The following KCNU1 variants were observed in gnomAD, a reference collection of about 807,000 sequenced individuals.
The protein encoded by KCNU1 is potassium channel subfamily U member 1.
Under a neutral mutation model 126.8 loss-of-function variants are expected in KCNU1, and 93 were observed. That is an observed-to-expected ratio of 0.73 (90% CI 0.62 to 0.87). The LOEUF (loss-of-function observed/expected upper bound fraction) is 0.87. KCNU1 is among the 40% of genes least tolerant of loss of function. The probability of loss-of-function intolerance (pLI) is 0.00; values close to 1 mark genes in which losing one functional copy is unlikely to be tolerated. For missense variants in KCNU1, 1,330 were observed against 1,367.1 expected (o/e 0.97, Z 0.43); for synonymous variants, 523 against 494.2 (o/e 1.06, Z -0.77).
At chr8:36,913,720 G>A (rs1276097686) in intron 22 of KCNU1, among the ~76,000 whole-genome samples, 2 of 151,388 alleles carry the variant, frequency 1.3e-5, no homozygotes, top group African/African-American at 4.9e-5. Context: ...TTCTGGCTCA[G>A]CCTCCCAAGT....
chr8:36,866,896 G>T (rs369080037), intron 19 of KCNU1, among the ~76,000 whole-genome samples: 89 of 152,202 alleles, frequency 5.8e-4, no homozygotes, highest in African/African-American at 2.1e-3. Flanking sequence ...GCAAAGAAAG[G>T]GTTCACCCGT....
At chr8:36,785,382 G>A (rs957709721) in intron 1 of KCNU1, among the ~76,000 whole-genome samples, 5 of 152,104 alleles carry the variant, frequency 3.3e-5, no homozygotes, top group African/African-American at 4.8e-5. Flanking sequence ...TTCTCTGATA[G>A]ATTATAGCAA....
In KCNU1 at chr8:36,906,600, T is replaced by A. The variant is rs561993109; in HGVS notation, c.2106+796T>A. Among the ~76,000 whole-genome samples the A allele has an allele frequency of 1.4e-3, 207 of 152,254 alleles. 1 individual carries two copies. Among genetic ancestry groups the A allele is most frequent in the African/African-American group, 4.8e-3 (201 of 41,562 alleles). On this transcript the variant is annotated intron_variant, in intron 20 of 26. Coordinates refer to ENST00000399881, the MANE Select transcript of KCNU1 (RefSeq NM_001031836.3). Reference sequence around the variant, plus strand: ...CATGCTGTATGAACCCTATATATATTTTTTCATATATGACTAATTGATACT... The same window carrying A: ...CATGCTGTATGAACCCTATATATATATTTTCATATATGACTAATTGATACT...
chr8:36,866,175 T>C (rs764734954), intron 19 of KCNU1, among the ~76,000 whole-genome samples: 4 of 152,142 alleles, frequency 2.6e-5, no homozygotes, highest in Non-Finnish European at 4.4e-5. Flanking sequence ...GCTGAGAGTG[T>C]AATAAGTGCA....
intron 24 of KCNU1, among the ~76,000 whole-genome samples, chr8:36,927,855 G>A (rs578098955): frequency 6.6e-6 from 1 of 151,966 alleles, no homozygotes; most frequent in East Asian, 1.9e-4. Flanking sequence ...AATATTTCAA[G>A]TGCCCTTCAA....
chr8:36,842,692 C>T (rs1021166537), intron 16 of KCNU1, among the ~76,000 whole-genome samples: 5 of 152,102 alleles, frequency 3.3e-5, no homozygotes, highest in Admixed American at 1.3e-4. Flanking sequence ...GTTTTTGAGA[C>T]GGAGTTTCAC....
At chr8:36,827,781 T>C (rs2130519611) in intron 10 of KCNU1, among the ~76,000 whole-genome samples, 1 of 152,262 alleles carries the variant, frequency 6.6e-6, no homozygotes, top group Admixed American at 6.5e-5. Context: ...GGGGGAAGTT[T>C]CACTCATAAG....
chr8:36,887,452 G>GTTTTTTTTTTT (rs138240609), intron 19 of KCNU1, among the ~76,000 whole-genome samples: 34 of 99,242 alleles, frequency 3.4e-4, no homozygotes, highest in East Asian at 5.4e-4. Flanking sequence ...GTTTTTTTTT[G>GTTTTTTTTTTT]TTTTTTTTTT....
At chr8:36,790,426 C>T (rs1802862849) in intron 2 of KCNU1, among the ~76,000 whole-genome samples, 1 of 150,792 alleles carries the variant, frequency 6.6e-6, no homozygotes, top group Admixed American at 6.6e-5. Flanking sequence ...TATAAAACAG[C>T]CGATTACTTC....
intron 7 of KCNU1, among the ~76,000 whole-genome samples, chr8:36,811,630 T>C (rs755430468): frequency 1.3e-5 from 2 of 152,104 alleles, no homozygotes; most frequent in Admixed American, 6.5e-5. Context: ...GGGGAAGCCA[T>C]GGTAAGAAGT....
intron 26 of KCNU1, among the ~76,000 whole-genome samples, chr8:36,933,814 A>G (rs535563011): frequency 1.2e-4 from 18 of 152,160 alleles, no homozygotes; most frequent in Non-Finnish European, 2.4e-4. Flanking sequence ...ATGCCAAGGC[A>G]GATCTAGCTC....
chr8:36,825,662 C>T (rs2130510028), intron 10 of KCNU1, among the ~76,000 whole-genome samples: 1 of 152,166 alleles, frequency 6.6e-6, no homozygotes, highest in East Asian at 1.9e-4. Flanking sequence ...ACATTGTACC[C>T]ATTAAGTAAT....
chr8:36,814,471 G>A, intron 8 of KCNU1, 94 bp downstream of exon 8: 1 of 906,348 alleles, frequency 1.1e-6, no homozygotes, highest in Non-Finnish European at 1.7e-6. Flanking sequence ...GTTTAAGAGT[G>A]AATGTTGCAT....
chr8:36,840,363 C>T (rs1420211104), intron 14 of KCNU1, 100 bp from the exon 15 acceptor site: 1 of 636,870 alleles, frequency 1.6e-6, no homozygotes, highest in East Asian at 2.8e-5. Flanking sequence ...GACTTACATG[C>T]AATGAAGACT....
At chr8:36,833,150 A>G (rs571308947) in intron 10 of KCNU1, among the ~76,000 whole-genome samples, 6 of 152,278 alleles carry the variant, frequency 3.9e-5, no homozygotes, top group East Asian at 3.9e-4. Flanking sequence ...CAGAATTTAT[A>G]AATATTAAAC....
intron 7 of KCNU1, among the ~76,000 whole-genome samples, chr8:36,813,432 G>T (rs969643272): frequency 2.6e-5 from 4 of 151,220 alleles, no homozygotes; most frequent in African/African-American, 9.7e-5. Context: ...AGAAAAAAAG[G>T]TCTAAAAGAA....
intron 2 of KCNU1, among the ~76,000 whole-genome samples, chr8:36,790,331 CTAAG>C (rs1802858747): frequency 6.6e-6 from 1 of 151,494 alleles, no homozygotes; most frequent in South Asian, 2.1e-4. Context: ...AATTAGTGAA[CTAAG>C]TATCAAATGC....
intron 2 of KCNU1, among the ~76,000 whole-genome samples, chr8:36,801,704 C>A (rs1054156291): frequency 1.3e-5 from 2 of 151,824 alleles, no homozygotes; most frequent in Non-Finnish European, 2.9e-5. Flanking sequence ...ATATATATAT[C>A]TCCACTCCCA....
intron 19 of KCNU1, among the ~76,000 whole-genome samples, chr8:36,875,134 C>T (rs909262592): frequency 6.6e-6 from 1 of 152,010 alleles, no homozygotes; most frequent in African/African-American, 2.4e-5. Flanking sequence ...CATTTTCTGT[C>T]CGTCTCAAAC....
Sources: gnomAD v4.1 joint callset for allele counts (sites outside exome capture counted in the v4.1 genomes callset) on GRCh38, gnomAD v4.1.1 for gene constraint, MANE v1.5 for transcripts, NCBI Gene and HGNC (gene_info 2026-07-23, HGNC 2026-07-21) for gene names.